TEFM: variants seen among roughly 807,000 people sequenced by gnomAD.
The protein encoded by TEFM is transcription elongation factor, mitochondrial.
In TEFM, 14 loss-of-function variants were observed where a neutral mutation model predicts 23.0. The observed-to-expected ratio is 0.61, with a 90% CI of 0.40 to 0.95. The LOEUF (loss-of-function observed/expected upper bound fraction) is 0.95, where lower values mean the gene tolerates loss of function less well. TEFM is among the 40% of genes least tolerant of loss of function. The pLI, the probability that TEFM is intolerant of heterozygous loss-of-function variation, is 0.00. For missense variants in TEFM, 386 were observed against 425.5 expected (o/e 0.91, Z 0.82); for synonymous variants, 155 against 158.3 (o/e 0.98, Z 0.16).
intron 2 of TEFM, 116 bp from the exon 3 acceptor site, chr17:30,900,678 T>C: frequency 1.2e-6 from 1 of 859,756 alleles, no homozygotes; most frequent in Non-Finnish European, 1.7e-6. Flanking sequence ...CTCAACTCAC[T>C]ACAAGCTCCA....
In TEFM at chr17:30,904,116, G is replaced by A. The variant is rs756713766; in HGVS notation, c.445C>T (p.Arg149Trp). 5.6e-6 allele frequency: 9 copies of A among 1,613,836 alleles called. No homozygotes were observed. The highest frequency in any genetic ancestry group is 1.1e-5 in the South Asian group (1 of 91,032). ...GGTTTGAGGAGCTTTCTCAGGAACCGGTTTTCCGGTGACTTTCTTTTTTCC... is the reference window on the plus strand; with the variant it reads ...GGTTTGAGGAGCTTTCTCAGGAACCAGTTTTCCGGTGACTTTCTTTTTTCC... ...GREKRKSPEN[R>W]FLRKLLKPDI... Residue 149 changes from arginine (R) to tryptophan (W), a missense_variant, in exon 2 of 4, where the codon CGG becomes TGG. Physicochemically the swap from Arg to Trp is moderately radical, Grantham distance 101. Coordinates refer to ENST00000581216, the MANE Select transcript of TEFM (RefSeq NM_024683.4).
chr17:30,899,168 TCTAAGG>T lies in TEFM; in HGVS notation c.1078_1083del (p.Pro360_Ter361delextTer10). On this transcript the variant is annotated stop_lost and inframe_deletion, in exon 4 of 4. Transcript: ENST00000581216. ...TACTTTAGCACGTTAACCTCAGAATTCTAAGGCTGAGAGTCAAACACTGCTAATTCA... is the reference window on the plus strand; with the variant it reads ...TACTTTAGCACGTTAACCTCAGAATTCTGAGAGTCAAACACTGCTAATTCA... 6.4e-7 allele frequency: 1 copy of T among 1,574,352 alleles called. No individual in the cohort carries two copies.
rs1015105985 is a variant in TEFM at position 30,906,224 on chromosome 17, T to C, written c.-26A>G. ...CTCCAAGTTGAATCAGTAGGTCCAG[T>C]CTTCCTCCATTGACTTCCGGTTCCT... On this transcript the variant is annotated 5_prime_UTR_variant, in exon 1 of 4. Transcript: ENST00000581216. The C allele has an allele frequency of 1.9e-6, 3 of 1,614,260 alleles. No homozygotes were observed. The highest frequency in any genetic ancestry group is 2.5e-6 in the Non-Finnish European group (3 of 1,180,044).
intron 1 of TEFM, 147 bp from the exon 2 acceptor site, chr17:30,904,676 A>C: frequency 1.7e-6 from 1 of 602,268 alleles, no homozygotes; most frequent in Non-Finnish European, 2.8e-6. Flanking sequence ...GTCTTGGAGA[A>C]TCATCTTTTT....
intron 3 of TEFM, chr17:30,899,838 G>A (rs540984893): frequency 2.5e-5 from 9 of 362,808 alleles, no homozygotes; most frequent in Admixed American, 4.1e-5. Context: ...CCAGTTTCTT[G>A]ATCTGTACAG....
intron 1 of TEFM, among the ~76,000 whole-genome samples, chr17:30,904,959 T>C (rs1344193823): frequency 6.6e-6 from 1 of 152,090 alleles, no homozygotes; most frequent in Non-Finnish European, 1.5e-5. Flanking sequence ...ATTACAGGCG[T>C]GAGCCACTGT....
At chr17:30,903,225 TGG>T (rs1910085044) in intron 2 of TEFM, among the ~76,000 whole-genome samples, 1 of 146,280 alleles carries the variant, frequency 6.8e-6, no homozygotes, top group Non-Finnish European at 1.5e-5. Context: ...GCTTTTAGAA[TGG>T]TGTTTTTTTT....
chr17:30,902,111 G>A (rs903140697), intron 2 of TEFM, among the ~76,000 whole-genome samples: 1 of 152,116 alleles, frequency 6.6e-6, no homozygotes, highest in African/African-American at 2.4e-5. Flanking sequence ...TTTAGATTTT[G>A]CTTCCTATCA....
intron 1 of TEFM, among the ~76,000 whole-genome samples, chr17:30,904,747 C>T (rs1910130268): frequency 6.7e-6 from 1 of 150,222 alleles, no homozygotes; most frequent in South Asian, 2.1e-4. Context: ...TGGCCGATCT[C>T]GGCTCACTGC....
At chr17:30,903,957 T>C in intron 2 of TEFM, 109 bp downstream of exon 2, 2 of 924,378 alleles carry the variant, frequency 2.2e-6, no homozygotes, top group South Asian at 1.8e-5. Context: ...ACTTGCCAAC[T>C]AAACCTGAAG....
intron 3 of TEFM, 159 bp from the exon 4 acceptor site, chr17:30,899,765 C>T (rs970843260): frequency 6.1e-6 from 3 of 493,468 alleles, no homozygotes; most frequent in African/African-American, 5.9e-5. Flanking sequence ...TATGAGCAGT[C>T]TGGTTCTGGT....
At chr17:30,905,083 T>C (rs1410857661) in intron 1 of TEFM, among the ~76,000 whole-genome samples, 2 of 152,260 alleles carry the variant, frequency 1.3e-5, no homozygotes, top group African/African-American at 4.8e-5. Flanking sequence ...CCGATATTTA[T>C]GGATCAGTCC....
At chr17:30,905,592 ATAAAAT>A (rs1174239600) in intron 1 of TEFM, among the ~76,000 whole-genome samples, 2 of 152,206 alleles carry the variant, frequency 1.3e-5, no homozygotes, top group Non-Finnish European at 2.9e-5. Context: ...GTGGAACTAA[ATAAAAT>A]TAAATTTTGT....
chr17:30,899,280 G>C lies in TEFM; in HGVS notation c.972C>G (p.His324Gln). 1 of 1,614,204 alleles carries C rather than the reference G, an allele frequency of 6.2e-7. No individual in the cohort carries two copies. Among genetic ancestry groups the C allele is most frequent in the Non-Finnish European group, 8.5e-7 (1 of 1,180,034 alleles). The change falls in exon 4 of 4, where the codon CAC (histidine) becomes CAG (glutamine). Residue 324 changes from histidine to glutamine, a missense_variant. His to Gln is a conservative substitution (Grantham distance 24). Transcript: ENST00000581216. ...CAGTAGATAAAAACATCTGTCTGTAGTGAACTATTTTATCTGATGGGAAGA... is the reference window on the plus strand; with the variant it reads ...CAGTAGATAAAAACATCTGTCTGTACTGAACTATTTTATCTGATGGGAAGA... ...RVFFPSDKIV[H>Q]YRQMFLSTEL... is the part of the protein sequence containing the mutation.
intron 2 of TEFM, among the ~76,000 whole-genome samples, chr17:30,902,448 T>A (rs947368042): frequency 2.0e-5 from 3 of 152,230 alleles, no homozygotes; most frequent in African/African-American, 7.2e-5. Flanking sequence ...GCATGACTTA[T>A]ATCTCCATAA....
Position 30,904,547 on chromosome 17 carries a change from C to A in TEFM, c.32-18G>T. On this transcript the variant is annotated intron_variant, in intron 1 of 3. Coordinates refer to ENST00000581216, the MANE Select transcript of TEFM (RefSeq NM_024683.4). ...CCACCTCTCTAAAAGGAAAATTTAG[C>A]AAAATATAAGTTGGATGTCCTACTT... The A allele has an allele frequency of 6.4e-7, 1 of 1,573,000 alleles. No individual in the cohort carries two copies.
Position 30,899,118 on chromosome 17 carries a change from G to A in TEFM, c.*51C>T, listed in dbSNP as rs1235362387. ...AATAACATGGATGTTCACAACAGTT[G>A]GTGTTACGTTAGAGCTAATAATTAT... On this transcript the variant is annotated 3_prime_UTR_variant, in exon 4 of 4. Transcript: ENST00000581216. 1.6e-5 allele frequency: 22 copies of A among 1,385,924 alleles called. No homozygotes were observed. Among genetic ancestry groups the A allele is most frequent in the Non-Finnish European group, 2.0e-5 (21 of 1,028,320 alleles). 85.9% of individuals were successfully genotyped at this position (1,385,924 alleles called of 1,614,324 possible). A position where few individuals can be genotyped will look rare whatever the true frequency, so the allele number is the denominator to read the frequency against.
In TEFM at chr17:30,899,321, C is replaced by T; in HGVS notation, c.931G>A (p.Ala311Thr). ...GATGGGAAGAACACCCGAGGATCCG[C>T]CTTCAGTATAGAATCGAAGAGAAAC... ...KQFLFDSILK[A>T]DPRVFFPSDK... Residue 311 changes from alanine (A) to threonine (T), a missense_variant, in exon 4 of 4, where the codon GCG (alanine) becomes ACG (threonine). Physicochemically the swap from Ala to Thr is moderately conservative, Grantham distance 58 (BLOSUM62 0). Coordinates refer to ENST00000581216, the MANE Select transcript of TEFM (RefSeq NM_024683.4). 6.2e-7 allele frequency: 1 copy of T among 1,614,200 alleles called. No individual in the cohort carries two copies. Among genetic ancestry groups the T allele is most frequent in the Non-Finnish European group, 8.5e-7 (1 of 1,180,036 alleles).
In TEFM at chr17:30,899,605, ATC is replaced by A. The variant is rs1331188540; in HGVS notation, c.646-1_646del. The A allele has an allele frequency of 6.7e-7, 1 of 1,501,096 alleles. No individual in the cohort carries two copies. The highest frequency in any genetic ancestry group is 8.9e-7 in the Non-Finnish European group (1 of 1,122,510). 93.0% of individuals were successfully genotyped at this position (1,501,096 alleles called of 1,614,324 possible). On this transcript the variant is annotated splice_acceptor_variant and coding_sequence_variant, in exon 4 of 4. Transcript: ENST00000581216. LOFTEE classifies it high-confidence loss of function. ...AGGCATCTTTGAAATGATCGAGGAA[ATC>A]TTTTTAAAAAAAGACAAAATAAAGG... is the stretch of plus-strand genomic sequence containing the variant.
Sources: gnomAD v4.1 joint callset for allele counts (sites outside exome capture counted in the v4.1 genomes callset) on GRCh38, gnomAD v4.1.1 for gene constraint, MANE v1.5 for transcripts, NCBI Gene and HGNC (gene_info 2026-07-23, HGNC 2026-07-21) for gene names.